RABL6: variants seen among roughly 807,000 people sequenced by gnomAD.
RABL6 encodes the protein RAB, member RAS oncogene family like 6.
Under a neutral mutation model 72.9 loss-of-function variants are expected in RABL6, and 28 were observed. That is an observed-to-expected ratio of 0.38 (90% CI 0.28 to 0.53). The LOEUF (loss-of-function observed/expected upper bound fraction) is 0.53, where lower values mean the gene tolerates loss of function less well. Ranked by LOEUF, RABL6 falls within the 20% of genes least tolerant of loss-of-function variation. RABL6 has a pLI of 0.80. For synonymous variants in RABL6, 477 were observed against 421.2 expected (o/e 1.13, Z -1.62); for missense variants, 1,029 against 1,008.4 (o/e 1.02, Z -0.28).
chr9:136,813,746 G>C (rs1190564899), intron 1 of RABL6: 1 of 194,340 alleles, frequency 5.1e-6, no homozygotes, highest in Non-Finnish European at 1.0e-5. Context: ...CTCCCGAGTA[G>C]CTGGGACTAC....
In RABL6 at chr9:136,823,549, G is replaced by A; in HGVS notation, c.155G>A (p.Arg52Lys). Residue 52 changes from arginine (R) to lysine (K), a missense_variant, in exon 2 of 15, where the codon AGG becomes AAG. By Grantham distance (26) the Arg-to-Lys change is conservative. Around this residue, in one of 2 missense-constraint regions of RABL6, gnomAD observed 434 missense variants for 536.1 expected, o/e 0.81. Transcript: ENST00000311502. ...GTGAAGATAGTGATCCGGGGAGACA[G>A]GAACACGGGCAAGACAGCGCTGTGG... ...YNMKIVIRGD[R>K]NTGKTALWHR... 4 of 1,613,834 alleles carry A rather than the reference G, an allele frequency of 2.5e-6. No homozygotes were observed. The highest frequency in any genetic ancestry group is 3.4e-6 in the Non-Finnish European group (4 of 1,179,876).
chr9:136,822,060 C>T lies in RABL6; in HGVS notation c.131-1465C>T. On this transcript the variant is annotated intron_variant, in intron 1 of 14. Transcript: ENST00000311502. ...GAAGAAATGACTGTGGGAACAGGTG[C>T]CTTGAGGTAGAGGGAGGGGACTGGG... 2.3e-6 allele frequency: 3 copies of T among 1,289,382 alleles called. No individual in the cohort carries two copies. In the South Asian group the frequency reaches 3.7e-5, roughly 16 times the overall value. 79.9% of individuals were successfully genotyped at this position (1,289,382 alleles called of 1,614,324 possible).
At chr9:136,820,107 G>A (rs905733964) in intron 1 of RABL6, among the ~76,000 whole-genome samples, 1 of 151,440 alleles carries the variant, frequency 6.6e-6, no homozygotes, top group African/African-American at 2.4e-5. Flanking sequence ...GCTGAGATGG[G>A]AGAATCACTG....
rs1848365117 is a variant in RABL6 at position 136,826,637 on chromosome 9, T to C, written c.313+811T>C. 6.6e-6 allele frequency: 1 copy of C among 152,220 alleles called. No homozygotes were observed. Among genetic ancestry groups the C allele is most frequent in the African/African-American group, 2.4e-5 (1 of 41,392 alleles). The allele number at this position is 152,220 out of a possible 1,614,324, so 9.4% of individuals were successfully genotyped here. A position where few individuals can be genotyped will look rare whatever the true frequency, so the allele number is the denominator to read the frequency against. ...CTGGGCCCCTGCGGCTCCCACCACA[T>C]TGCGCTGGACTCTTGTGGCCCGTGC... On this transcript the variant is annotated intron_variant, in intron 3 of 14. Transcript: ENST00000311502. This position sits in a 1 kb window ranked among gnomAD's most constrained non-coding sequence, Gnocchi z 4.9.
At chr9:136,824,030 C>T (rs1376912477) in intron 2 of RABL6, among the ~76,000 whole-genome samples, 1 of 152,224 alleles carries the variant, frequency 6.6e-6, no homozygotes, top group South Asian at 2.1e-4. Flanking sequence ...ATCTTCTCCA[C>T]CACCAGAAAC....
chr9:136,813,876 A>G, intron 1 of RABL6: 1 of 247,890 alleles, frequency 4.0e-6, no homozygotes, highest in Admixed American at 5.6e-5. Context: ...TGGCCTCCCA[A>G]AGTGCTGGGA....
chr9:136,818,080 A>C (rs998257923), intron 1 of RABL6, among the ~76,000 whole-genome samples: 10 of 150,016 alleles, frequency 6.7e-5, no homozygotes, highest in African/African-American at 2.2e-4. Flanking sequence ...AAAAAAAAAA[A>C]ATGACGGGCA....
intron 1 of RABL6, chr9:136,810,078 A>C (rs1404046906): frequency 1.3e-5 from 2 of 152,240 alleles, no homozygotes; most frequent in Non-Finnish European, 2.9e-5. Context: ...TGGCATTCGG[A>C]GAAGAGAATA....
intron 1 of RABL6, among the ~76,000 whole-genome samples, chr9:136,822,761 C>G (rs1015965705): frequency 1.3e-5 from 2 of 152,232 alleles, no homozygotes; most frequent in Admixed American, 6.5e-5. Flanking sequence ...TGTGCGTGAG[C>G]TGGGATGCAG....
At chr9:136,837,784 CG>C in intron 9 of RABL6, 77 bp from the exon 10 acceptor site, 1 of 1,540,700 alleles carries the variant, frequency 6.5e-7, no homozygotes, top group Admixed American at 2.0e-5. Flanking sequence ...GGGCACATCC[CG>C]GGTGGGCCTG....
chr9:136,823,446 T>C, intron 1 of RABL6, 79 bp from the exon 2 acceptor site: 16 of 1,557,050 alleles, frequency 1.0e-5, no homozygotes, highest in Non-Finnish European at 1.3e-5. Flanking sequence ...GAACCGGCTC[T>C]CCTTGTAGTT....
intron 13 of RABL6, 60 bp from the exon 14 acceptor site, chr9:136,840,094 C>T: frequency 1.2e-6 from 2 of 1,608,014 alleles, no homozygotes; most frequent in Non-Finnish European, 1.7e-6. Context: ...GAAGTCCTGT[C>T]ACCCAGCTTG....
At chr9:136,833,193 A>G (rs1330387220) in intron 7 of RABL6, 19 of 96,386 alleles carry the variant, frequency 2.0e-4, no homozygotes, top group Middle Eastern at 5.0e-3. Context: ...GGGTCTGGGG[A>G]CCTGAACCTC....
In RABL6 at chr9:136,840,372, C is replaced by G. The variant is rs1564374718; in HGVS notation, c.2040C>G (p.Asp680Glu). Reference sequence around the variant, plus strand: ...AGAGCAAACACAAGAAGAGCAAGGACAAGGAGGAGGGCAAGGAGGAGCGGC... The same window carrying G: ...AGAGCAAACACAAGAAGAGCAAGGAGAAGGAGGAGGGCAAGGAGGAGCGGC... ...KKKSKHKKSK[D>E]KEEGKEERRR... is the part of the protein sequence containing the mutation. Residue 680 changes from aspartate (D) to glutamate (E), a missense_variant, in exon 15 of 15, where the codon GAC (aspartate) becomes GAG (glutamate). Physicochemically the swap from Asp to Glu is conservative, Grantham distance 45 (BLOSUM62 2). Around this residue, in one of 2 missense-constraint regions of RABL6, gnomAD observed 595 missense variants for 472.4 expected, o/e 1.26. Coordinates refer to ENST00000311502, the MANE Select transcript of RABL6 (RefSeq NM_024718.5). 6.4e-7 allele frequency: 1 copy of G among 1,556,012 alleles called. No homozygotes were observed. The highest frequency in any genetic ancestry group is 2.0e-5 in the Admixed American group (1 of 51,256).
chr9:136,818,569 C>T lies in RABL6; in HGVS notation c.131-4956C>T, dbSNP rs1334402779. Among the ~76,000 whole-genome samples, 6 of 151,358 alleles carry T rather than the reference C, an allele frequency of 4.0e-5. No individual in the cohort carries two copies. In the South Asian group the frequency reaches 6.3e-4, roughly 16 times the overall value. ...CCAGCCTGGCCAACATAGTGAGACCCCATCTCTACTAAAAAAAATACAAAA... is the reference window on the plus strand; with the variant it reads ...CCAGCCTGGCCAACATAGTGAGACCTCATCTCTACTAAAAAAAATACAAAA... On this transcript the variant is annotated intron_variant, in intron 1 of 14. Transcript: ENST00000311502.
At position 136,838,995 on chromosome 9, in the gene RABL6, C is replaced by A; in HGVS notation, c.1367C>A (p.Pro456Gln). The change falls in exon 11 of 15, where the codon CCG becomes CAG. Residue 456 changes from proline (P) to glutamine (Q), a missense_variant. Transcript: ENST00000311502. ...DLEDQPRGSP[P>Q]LPAGPVPSQD... ...GAAGACCAGCCACGTGGGAGTCCCC[C>A]GCTGCCTGCAGGCCCCGTCCCCAGT... is the stretch of plus-strand genomic sequence containing the variant. 7 of 1,612,000 alleles carry A rather than the reference C, an allele frequency of 4.3e-6. No homozygotes were observed. Among genetic ancestry groups the A allele is most frequent in the Non-Finnish European group, 5.9e-6 (7 of 1,179,594 alleles).
Position 136,837,533 on chromosome 9 carries a change from G to C in RABL6, c.997G>C (p.Val333Leu), listed in dbSNP as rs769029187. The change falls in exon 9 of 15, where the codon GTG (valine) becomes CTG (leucine). Residue 333 changes from valine (V) to leucine (L), a missense_variant. Physicochemically the swap from Val to Leu is conservative, Grantham distance 32. Transcript: ENST00000311502. ...LPLNAAPPSSVPPVPPSEALP... is the reference protein window; with the variant it reads ...LPLNAAPPSSLPPVPPSEALP... ...CCTCAATGCCGCCCCACCATCCTCT[G>C]TGCCCCCTGTACCACCCTCAGAGGC... The C allele has an allele frequency of 1.3e-6, 2 of 1,539,408 alleles. No individual in the cohort carries two copies. The highest frequency in any genetic ancestry group is 1.2e-5 in the South Asian group (1 of 84,038).
At chr9:136,827,758 C>T (rs1457166877) in intron 3 of RABL6, 1 of 152,304 alleles carries the variant, frequency 6.6e-6, no homozygotes, top group African/African-American at 2.4e-5. Flanking sequence ...GCGTTTTAAA[C>T]ACATGAGCCC....
At chr9:136,818,080 AAT>A (rs1776293997) in intron 1 of RABL6, among the ~76,000 whole-genome samples, 1 of 149,902 alleles carries the variant, frequency 6.7e-6, no homozygotes, top group African/African-American at 2.5e-5. Context: ...AAAAAAAAAA[AAT>A]GACGGGCACA....
Sources: gnomAD v4.1 joint callset for allele counts (sites outside exome capture counted in the v4.1 genomes callset) on GRCh38, gnomAD v4.1.1 for gene constraint, gnomAD v4.1.1 regional missense constraint, Gnocchi (gnomAD v3.1) non-coding constraint, MANE v1.5 for transcripts, NCBI Gene and HGNC (gene_info 2026-07-23, HGNC 2026-07-21) for gene names.